GALNT17: variants seen among roughly 807,000 people sequenced by gnomAD.
GALNT17 encodes the protein polypeptide N-acetylgalactosaminyltransferase 17, also known as UDP-GalNAc:polypeptide N-acetylgalactosaminyltransferase-like 3.
Under a neutral mutation model 63.7 loss-of-function variants are expected in GALNT17, and 29 were observed. The ratio of observed to expected loss-of-function variants is 0.46; its 90% CI spans 0.34 to 0.62. GALNT17 has a LOEUF of 0.62. Among genes scored for constraint, GALNT17 ranks in the 20% least tolerant of loss-of-function variants. The pLI is 0.01. For synonymous variants in GALNT17, 305 were observed against 318.3 expected (o/e 0.96, Z 0.45); for missense variants, 603 against 799.6 (o/e 0.75, Z 2.97).
intron 5 of GALNT17, among the ~76,000 whole-genome samples, chr7:71,435,919 C>CTGAG (rs1001477516): frequency 6.6e-6 from 1 of 150,594 alleles, no homozygotes; most frequent in African/African-American, 2.4e-5. Flanking sequence ...ACTCGGGAGG[C>CTGAG]TGAGGCAGGA....
At chr7:71,154,645 C>T (rs1227726642) in intron 1 of GALNT17, among the ~76,000 whole-genome samples, 1 of 152,150 alleles carries the variant, frequency 6.6e-6, no homozygotes, top group Non-Finnish European at 1.5e-5. Context: ...GGCACGATCT[C>T]GGCTCACTGC....
rs115885213 is a variant in GALNT17, at chr7:71,496,793, C to T, written c.963-74492C>T. Among the ~76,000 whole-genome samples the T allele has an allele frequency of 1.9e-3, 276 of 145,052 alleles. 1 individual carries two copies. Among genetic ancestry groups the T allele is most frequent in the African/African-American group, 6.4e-3 (257 of 40,282 alleles). On this transcript the variant is annotated intron_variant, in intron 5 of 10. Transcript: ENST00000333538. ...GGGCCGGATGGGGTGGGGTGGGGAGCGGGGGGCGGAGCACTTACACCTGTA... is the reference window on the plus strand; with the variant it reads ...GGGCCGGATGGGGTGGGGTGGGGAGTGGGGGGCGGAGCACTTACACCTGTA...
chr7:71,245,983 G>A (rs986113869), intron 1 of GALNT17, among the ~76,000 whole-genome samples: 2 of 151,392 alleles, frequency 1.3e-5, no homozygotes, highest in Non-Finnish European at 2.9e-5. Context: ...TACATACTCC[G>A]AGCCATAAAA....
intron 6 of GALNT17, among the ~76,000 whole-genome samples, chr7:71,664,289 T>A (rs1790951061): frequency 6.6e-6 from 1 of 152,192 alleles, no homozygotes; most frequent in African/African-American, 2.4e-5. Flanking sequence ...TCTGTACCTG[T>A]AGGACTCCAA....
chr7:71,611,136 C>G lies in GALNT17; in HGVS notation c.1080+39734C>G, dbSNP rs146708678. Among the ~76,000 whole-genome samples, 113 of 152,294 alleles carry G rather than the reference C, an allele frequency of 7.4e-4. 2 individuals are homozygous for G. Among genetic ancestry groups the G allele is most frequent in the African/African-American group, 2.6e-3 (109 of 41,566 alleles). The stretch of plus-strand genomic sequence containing the variant: ...AGATTATCTCGCAGCAAAACCTACT[C>G]TCTACTCCAGTGCCTTCTTTCCCCG... On this transcript the variant is annotated intron_variant, in intron 6 of 10. Coordinates refer to ENST00000333538, the MANE Select transcript of GALNT17 (RefSeq NM_022479.3).
chr7:71,493,066 T>C (rs2116678442), intron 5 of GALNT17, among the ~76,000 whole-genome samples: 1 of 152,364 alleles, frequency 6.6e-6, no homozygotes, highest in African/African-American at 2.4e-5. Flanking sequence ...TGATGTATGC[T>C]ACAGCTCATG....
chr7:71,221,272 A>T (rs1049576165), intron 1 of GALNT17, among the ~76,000 whole-genome samples: 1 of 151,030 alleles, frequency 6.6e-6, no homozygotes, highest in Non-Finnish European at 1.5e-5. Context: ...CTCCTTTTTC[A>T]TGGCTGCATA....
chr7:71,649,459 T>C (rs2056647), intron 6 of GALNT17, among the ~76,000 whole-genome samples: 84,106 of 151,844 alleles, frequency 0.55, 26,564 homozygotes, highest in East Asian at 0.74. Context: ...AGAGGATGGG[T>C]GATTGGCTAA....
chr7:71,164,425 G>A (rs949855077), intron 1 of GALNT17, among the ~76,000 whole-genome samples: 1 of 152,186 alleles, frequency 6.6e-6, no homozygotes, highest in Non-Finnish European at 1.5e-5. Flanking sequence ...CAAGGGAGAA[G>A]TCCACCCCCA....
At chr7:71,328,365 T>C (rs1001650950) in intron 1 of GALNT17, among the ~76,000 whole-genome samples, 1 of 152,216 alleles carries the variant, frequency 6.6e-6, no homozygotes, top group Non-Finnish European at 1.5e-5. Context: ...CTCTTCCTGC[T>C]TTCTCTCTTT....
chr7:71,361,338 A>G (rs1583889129), intron 2 of GALNT17, among the ~76,000 whole-genome samples: 1 of 152,242 alleles, frequency 6.6e-6, no homozygotes, highest in South Asian at 2.1e-4. Flanking sequence ...GGGTGCCTAC[A>G]GACTTTATCA....
intron 5 of GALNT17, among the ~76,000 whole-genome samples, chr7:71,478,114 G>A (rs1310135938): frequency 3.9e-5 from 6 of 152,204 alleles, no homozygotes; most frequent in African/African-American, 1.4e-4. Context: ...AGATAAATCC[G>A]TAACTTATGT....
At chr7:71,627,768 G>A (rs774178319) in intron 6 of GALNT17, among the ~76,000 whole-genome samples, 5 of 152,060 alleles carry the variant, frequency 3.3e-5, no homozygotes, top group Admixed American at 6.5e-5. Flanking sequence ...ATATTGCAAC[G>A]CTCCGACTCA....
chr7:71,476,045 A>AC (rs145722441), intron 5 of GALNT17, among the ~76,000 whole-genome samples: 3,631 of 152,252 alleles, frequency 0.024, 159 homozygotes, highest in African/African-American at 0.082. Context: ...ATTCTCTTTT[A>AC]TCTTCTTGGC....
chr7:71,250,483 C>T (rs764585291), intron 1 of GALNT17, among the ~76,000 whole-genome samples: 2 of 152,000 alleles, frequency 1.3e-5, no homozygotes, highest in African/African-American at 2.4e-5. Context: ...TGGAGGCTTT[C>T]GTGCCCTTTG....
In GALNT17 at chr7:71,388,418, C is replaced by A. The variant is rs1263274609; in HGVS notation, c.589+17C>A. 7.4e-6 allele frequency: 12 copies of A among 1,611,940 alleles called. No individual in the cohort carries two copies. Among genetic ancestry groups the A allele is most frequent in the African/African-American group, 1.3e-5 (1 of 74,872 alleles). On this transcript the variant is annotated intron_variant, in intron 3 of 10. Coordinates refer to ENST00000333538, the MANE Select transcript of GALNT17 (RefSeq NM_022479.3). ...GCGACGAAGGTACAGGGGTGGCTGA[C>A]CTGTGCACAGGACATGATGACAGCA...
At chr7:71,496,888 A>G (rs1179830815) in intron 5 of GALNT17, among the ~76,000 whole-genome samples, 1 of 151,938 alleles carries the variant, frequency 6.6e-6, no homozygotes, top group Non-Finnish European at 1.5e-5. Context: ...AGCCTGGGCA[A>G]AGTAGCGAGA....
intron 5 of GALNT17, among the ~76,000 whole-genome samples, chr7:71,454,928 G>T (rs987525331): frequency 9.2e-5 from 14 of 152,240 alleles, no homozygotes; most frequent in African/African-American, 3.4e-4. Context: ...CACTTTGGGA[G>T]GTCAAGGCAG....
At chr7:71,587,310 G>A (rs1318080927) in intron 6 of GALNT17, among the ~76,000 whole-genome samples, 2 of 152,162 alleles carry the variant, frequency 1.3e-5, no homozygotes, top group African/African-American at 4.8e-5. Flanking sequence ...TAACAGGTGT[G>A]AGCCACCGCA....
Sources: gnomAD v4.1 joint callset for allele counts (sites outside exome capture counted in the v4.1 genomes callset) on GRCh38, gnomAD v4.1.1 for gene constraint, MANE v1.5 for transcripts, NCBI Gene and HGNC (gene_info 2026-07-23, HGNC 2026-07-21) for gene names.